SNCAIP: variants seen among roughly 807,000 people sequenced by gnomAD.
The protein encoded by SNCAIP is synuclein alpha interacting protein.
SNCAIP carries 43 observed loss-of-function variants against 86.7 expected under a neutral mutation model. The observed-to-expected ratio is 0.50, with a 90% CI of 0.39 to 0.64. The LOEUF is 0.64. Among genes scored for constraint, SNCAIP ranks in the 30% least tolerant of loss-of-function variants. SNCAIP has a pLI of 0.00. For missense variants in SNCAIP, 981 were observed against 1,103.1 expected (o/e 0.89, Z 1.57); for synonymous variants, 417 against 427.2 (o/e 0.98, Z 0.29).
At chr5:122,396,706 A>G (rs923390232) in intron 2 of SNCAIP, among the ~76,000 whole-genome samples, 18 of 152,152 alleles carry the variant, frequency 1.2e-4, no homozygotes, top group African/African-American at 3.6e-4. Context: ...CACATTATGA[A>G]GTCAGGTTAA....
intron 2 of SNCAIP, among the ~76,000 whole-genome samples, 171 bp downstream of exon 2, chr5:122,391,362 CAAGA>C (rs1449975462): frequency 6.6e-6 from 1 of 152,142 alleles, no homozygotes; most frequent in Non-Finnish European, 1.5e-5. Context: ...TCTCTTAGAC[CAAGA>C]AGTGAATCTT....
Position 122,453,023 on chromosome 5 carries a change from C to T in SNCAIP, c.2754+1422C>T, listed in dbSNP as rs765773439. 2.9e-5 allele frequency: 41 copies of T among 1,425,820 alleles called. No individual in the cohort carries two copies. In the East Asian group the frequency reaches 6.0e-4, roughly 21 times the overall value. 88.3% of individuals were successfully genotyped at this position (1,425,820 alleles called of 1,614,324 possible). On this transcript the variant is annotated intron_variant, in intron 10 of 10. Transcript: ENST00000261368. ...ACGTGGTGCTAGGAGATATGCTGTG[C>T]GGCATTGACATGCTTTGCTTTGAAT...
At chr5:122,442,078 G>A (rs1781064940) in intron 7 of SNCAIP, among the ~76,000 whole-genome samples, 1 of 138,962 alleles carries the variant, frequency 7.2e-6, no homozygotes, top group South Asian at 2.4e-4. Context: ...TATATAACAT[G>A]TAATACACTT....
At chr5:122,382,157 TC>T (rs1399812978) in intron 1 of SNCAIP, among the ~76,000 whole-genome samples, 1 of 152,240 alleles carries the variant, frequency 6.6e-6, no homozygotes, top group Non-Finnish European at 1.5e-5. Flanking sequence ...GTTTCCATTC[TC>T]CCCATCACTT....
chr5:122,382,945 A>G (rs1767220750), intron 1 of SNCAIP, among the ~76,000 whole-genome samples: 1 of 152,176 alleles, frequency 6.6e-6, no homozygotes, highest in Non-Finnish European at 1.5e-5. Context: ...CTCTCTTCAA[A>G]GCTGTCAGAC....
rs1442556368 is a variant in SNCAIP at position 122,314,367 on chromosome 5, A to C, written c.-47+2083A>C. Among the ~76,000 whole-genome samples the C allele has an allele frequency of 2.0e-5, 3 of 152,208 alleles. No individual in the cohort carries two copies. In the East Asian group the frequency reaches 5.8e-4, roughly 29 times the overall value. On this transcript the variant is annotated intron_variant, in intron 1 of 10. Transcript: ENST00000261368. ...TCCCAAGGAGCAGGTGCATCATTATAGGAAACACAAGGGAATTTCTCTTTT... is the reference window on the plus strand; with the variant it reads ...TCCCAAGGAGCAGGTGCATCATTATCGGAAACACAAGGGAATTTCTCTTTT...
At chr5:122,412,367 A>G (rs1188770068) in intron 3 of SNCAIP, among the ~76,000 whole-genome samples, 2 of 152,158 alleles carry the variant, frequency 1.3e-5, no homozygotes, top group Admixed American at 6.5e-5. Context: ...CACGGCTTCC[A>G]TGCTGTCAAA....
intron 6 of SNCAIP, among the ~76,000 whole-genome samples, chr5:122,438,149 C>T (rs1779953091): frequency 6.6e-6 from 1 of 152,128 alleles, no homozygotes; most frequent in East Asian, 1.9e-4. Flanking sequence ...TACAGCAGGT[C>T]CTTACATTAA....
chr5:122,382,802 G>A (rs1358961492), intron 1 of SNCAIP, among the ~76,000 whole-genome samples: 27 of 152,346 alleles, frequency 1.8e-4, no homozygotes, highest in South Asian at 4.1e-4. Flanking sequence ...ATACCCTGCC[G>A]TGTGAGGTGT....
Position 122,451,139 on chromosome 5 carries a change from A to G in SNCAIP, c.2292A>G (p.Pro764=). 1 of 1,614,142 alleles carries G rather than the reference A, an allele frequency of 6.2e-7. No homozygotes were observed. The highest frequency in any genetic ancestry group is 8.5e-7 in the Non-Finnish European group (1 of 1,179,998). Residue 764 remains proline, a synonymous_variant, in exon 10 of 11, where the codon CCA becomes CCG. Coordinates refer to ENST00000261368, the MANE Select transcript of SNCAIP (RefSeq NM_005460.4). The part of the protein sequence containing the change: ...SSEPDLESQY[P]GSGSIPPNQP... ...AACCAGACTTAGAATCCCAGTATCC[A>G]GGCTCAGGGAGTATTCCTCCAAACC...
chr5:122,348,013 A>G (rs559804731), intron 1 of SNCAIP, among the ~76,000 whole-genome samples: 1 of 152,282 alleles, frequency 6.6e-6, no homozygotes, highest in African/African-American at 2.4e-5. Flanking sequence ...TTGTTGTTAC[A>G]TCTTAAGTCA....
At chr5:122,415,155 A>G (rs1581106583) in intron 3 of SNCAIP, among the ~76,000 whole-genome samples, 1 of 152,308 alleles carries the variant, frequency 6.6e-6, no homozygotes, top group Non-Finnish European at 1.5e-5. Flanking sequence ...CATTAATCCC[A>G]GGGCGAGCCA....
intron 1 of SNCAIP, among the ~76,000 whole-genome samples, chr5:122,341,735 A>G (rs1002427616): frequency 1.3e-5 from 2 of 152,180 alleles, no homozygotes; most frequent in Non-Finnish European, 2.9e-5. Flanking sequence ...GATCTGTAGG[A>G]AACGCCGTTG....
chr5:122,355,278 C>T (rs1367469549), intron 1 of SNCAIP, among the ~76,000 whole-genome samples: 1 of 151,830 alleles, frequency 6.6e-6, no homozygotes, highest in Non-Finnish European at 1.5e-5. Context: ...GTTTTAATGT[C>T]CTTCATATAT....
Position 122,444,470 on chromosome 5 carries a change from G to T in SNCAIP, c.1423-93G>T. 9 of 1,174,494 alleles carry T rather than the reference G, an allele frequency of 7.7e-6. No homozygotes were observed. The South Asian group carries it at 1.1e-4, about 14-fold the overall frequency. 72.8% of individuals were successfully genotyped at this position (1,174,494 alleles called of 1,614,324 possible). A position where few individuals can be genotyped will look rare whatever the true frequency, so the allele number is the denominator to read the frequency against. On this transcript the variant is annotated intron_variant, in intron 7 of 10. Transcript: ENST00000261368. ...ATTGACTGCTGAAAGGTCCCTAGAG[G>T]CTCTCTTCATACTATTCAACATTCT...
Position 122,451,135 on chromosome 5 carries a change from A to G in SNCAIP, c.2288A>G (p.Tyr763Cys). Residue 763 changes from tyrosine (Y) to cysteine (C), a missense_variant, in exon 10 of 11, where the codon TAT becomes TGT. Transcript: ENST00000261368. Reference protein sequence around the residue: ...ESSEPDLESQYPGSGSIPPNQ... With the variant: ...ESSEPDLESQCPGSGSIPPNQ... The stretch of plus-strand genomic sequence containing the variant: ...AGCGAACCAGACTTAGAATCCCAGT[A>G]TCCAGGCTCAGGGAGTATTCCTCCA... The G allele has an allele frequency of 5.0e-6, 8 of 1,614,140 alleles. No individual in the cohort carries two copies. Among genetic ancestry groups the G allele is most frequent in the Non-Finnish European group, 6.8e-6 (8 of 1,180,006 alleles).
At chr5:122,361,652 T>A (rs576449578) in intron 1 of SNCAIP, among the ~76,000 whole-genome samples, 1 of 152,270 alleles carries the variant, frequency 6.6e-6, no homozygotes, top group Non-Finnish European at 1.5e-5. Flanking sequence ...AATCAGGCCT[T>A]GCTGTGTGGA....
intron 1 of SNCAIP, among the ~76,000 whole-genome samples, chr5:122,345,180 G>A (rs1311550334): frequency 1.3e-5 from 2 of 152,014 alleles, no homozygotes; most frequent in African/African-American, 4.8e-5. Flanking sequence ...TCAACAAAAG[G>A]GCTATGACAA....
chr5:122,323,181 A>T (rs968786508), intron 1 of SNCAIP: 3 of 152,230 alleles, frequency 2.0e-5, no homozygotes, highest in African/African-American at 4.8e-5. Context: ...TATCAAGATG[A>T]AAATAAGTGA....
Sources: gnomAD v4.1 joint callset for allele counts (sites outside exome capture counted in the v4.1 genomes callset) on GRCh38, gnomAD v4.1.1 for gene constraint, MANE v1.5 for transcripts, NCBI Gene and HGNC (gene_info 2026-07-23, HGNC 2026-07-21) for gene names.